ANK2: variants seen among roughly 807,000 people sequenced by gnomAD.
ANK2 encodes ankyrin 2.
A neutral mutation model predicts 360.5 loss-of-function variants in ANK2; 83 were observed. That is an observed-to-expected ratio of 0.23 (90% CI 0.19 to 0.28). ANK2 has a LOEUF of 0.28. ANK2 is among the 10% of genes least tolerant of loss of function. The pLI, the probability that ANK2 is intolerant of heterozygous loss-of-function variation, is 1.00. For missense variants in ANK2, 4,201 were observed against 4,795.7 expected (o/e 0.88, Z 3.66); for synonymous variants, 1,740 against 1,759.5 (o/e 0.99, Z 0.28).
chr4:113,010,936 A>G (rs1212568150), intron 2 of ANK2, among the ~76,000 whole-genome samples: 1 of 99,582 alleles, frequency 1.0e-5, no homozygotes, highest in African/African-American at 2.7e-5. Flanking sequence ...GCAATCTGTC[A>G]TACACACATT....
At chr4:113,039,078 A>G (rs150684943) in intron 2 of ANK2, among the ~76,000 whole-genome samples, 2 of 152,238 alleles carry the variant, frequency 1.3e-5, no homozygotes, top group East Asian at 3.9e-4. Flanking sequence ...ACTGGATGGT[A>G]GTTAAAAGTT....
At chr4:112,786,191 G>T in the ANK2 span, among the ~76,000 whole-genome samples, 1 of 150,720 alleles carries the variant, frequency 6.6e-6, no homozygotes, top group Non-Finnish European at 1.5e-5. Flanking sequence ...AAAACATTTC[G>T]GTTTACAAAA....
intron 26 of ANK2, among the ~76,000 whole-genome samples, chr4:113,328,268 A>AT (rs2091050967): frequency 6.6e-6 from 1 of 152,204 alleles, no homozygotes; most frequent in East Asian, 1.9e-4. Context: ...ATGAAAAAAA[A>AT]AACAAAGGAA....
intron 23 of ANK2, among the ~76,000 whole-genome samples, chr4:113,308,373 T>G (rs536803823): frequency 6.6e-6 from 1 of 152,248 alleles, no homozygotes; most frequent in Non-Finnish European, 1.5e-5. Flanking sequence ...TATAGAAAAT[T>G]TAGGTGGAGA....
At chr4:112,991,682 C>T (rs574009880) in intron 2 of ANK2, among the ~76,000 whole-genome samples, 3 of 105,194 alleles carry the variant, frequency 2.9e-5, no homozygotes, top group Admixed American at 1.2e-4. Flanking sequence ...ATTTCTGGTT[C>T]GTTTTGCTTA....
chr4:113,127,399 G>A (rs2095722762), intron 1 of ANK2, among the ~76,000 whole-genome samples: 1 of 151,546 alleles, frequency 6.6e-6, no homozygotes, highest in Non-Finnish European at 1.5e-5. Flanking sequence ...AAGGTCAATG[G>A]CAATGGAAAA....
intron 1 of ANK2, among the ~76,000 whole-genome samples, chr4:113,143,562 T>TA (rs1167000318): frequency 3.3e-5 from 5 of 152,224 alleles, no homozygotes; most frequent in African/African-American, 1.2e-4. Context: ...TGAATGTTTT[T>TA]AAAATAGTAC....
intron 2 of ANK2, among the ~76,000 whole-genome samples, chr4:113,029,228 C>T (rs537274947): frequency 1.3e-5 from 2 of 151,846 alleles, no homozygotes; most frequent in South Asian, 2.1e-4. Context: ...TAGGAGGATT[C>T]GTTTTTTGTT....
intron 22 of ANK2, among the ~76,000 whole-genome samples, chr4:113,294,172 C>G (rs2069614428): frequency 6.6e-6 from 1 of 152,128 alleles, no homozygotes; most frequent in African/African-American, 2.4e-5. Context: ...TTATCACTGG[C>G]CTTTGCTAGA....
chr4:113,353,374 G>A lies in ANK2; in HGVS notation c.4756G>A (p.Gly1586Arg), dbSNP rs1265618262. ...SSVQSSRSERGLVEEEWVIVS... is the reference protein window; with the variant it reads ...SSVQSSRSERRLVEEEWVIVS... ...TGTGCAGAGCTCTCGGTCTGAGAGA[G>A]GATTAGTTGAAGAGGAATGGGTTAT... The change falls in exon 38 of 46, where the codon GGA (glycine) becomes AGA (arginine). Residue 1586 changes from glycine (G) to arginine (R), a missense_variant. Gly to Arg is a moderately radical substitution (Grantham distance 125). Transcript: ENST00000357077. 6.2e-7 allele frequency: 1 copy of A among 1,614,074 alleles called. No individual in the cohort carries two copies. The highest frequency in any genetic ancestry group is 1.7e-5 in the Admixed American group (1 of 60,020).
intron 45 of ANK2, 96 bp downstream of exon 45, chr4:113,373,545 C>G (rs2096818914): frequency 7.4e-7 from 1 of 1,343,894 alleles, no homozygotes; most frequent in Non-Finnish European, 1.1e-6. Flanking sequence ...ATTTTCCTCA[C>G]TTCTCCCTTT....
intron 1 of ANK2, among the ~76,000 whole-genome samples, chr4:113,124,537 T>C (rs1260086908): frequency 1.3e-5 from 2 of 152,146 alleles, no homozygotes; most frequent in Non-Finnish European, 2.9e-5. Context: ...TTCATGAAAC[T>C]GCTCTCTCAC....
chr4:112,954,085 G>A (rs1296796948), intron 2 of ANK2, among the ~76,000 whole-genome samples: 3 of 152,028 alleles, frequency 2.0e-5, no homozygotes, highest in South Asian at 2.1e-4. Flanking sequence ...GTACCTAATG[G>A]TCATCACTGT....
chr4:113,080,290 C>T (rs1161944181), intron 1 of ANK2, among the ~76,000 whole-genome samples: 1 of 152,160 alleles, frequency 6.6e-6, no homozygotes, highest in Admixed American at 6.5e-5. Flanking sequence ...GAATGATTAA[C>T]ATGTCACGTG....
At chr4:112,711,976 C>T in the ANK2 span, among the ~76,000 whole-genome samples, 1 of 150,390 alleles carries the variant, frequency 6.6e-6, no homozygotes, top group East Asian at 1.9e-4. Flanking sequence ...TGCCACTGCA[C>T]CTAGCAGTTT....
chr4:112,927,026 G>T (rs1381623134), intron 2 of ANK2, among the ~76,000 whole-genome samples: 1 of 152,134 alleles, frequency 6.6e-6, no homozygotes, highest in African/African-American at 2.4e-5. Flanking sequence ...GAGCAAAGGG[G>T]AAGCCCTTTA....
At chr4:113,369,932 C>A in intron 43 of ANK2, 127 bp downstream of exon 43, 1 of 1,128,226 alleles carries the variant, frequency 8.9e-7, no homozygotes, top group Non-Finnish European at 1.3e-6. Context: ...ATTAACCTGG[C>A]ACATGGAAAC....
chr4:113,219,524 G>C (rs1486537248), intron 4 of ANK2, among the ~76,000 whole-genome samples: 2 of 151,830 alleles, frequency 1.3e-5, no homozygotes, highest in Non-Finnish European at 2.9e-5. Context: ...ATGAAGAAAA[G>C]CCTACTGCTG....
At chr4:112,777,266 T>G in the ANK2 span, among the ~76,000 whole-genome samples, 1 of 152,024 alleles carries the variant, frequency 6.6e-6, no homozygotes, top group African/African-American at 2.4e-5. Flanking sequence ...TGAGACAGAG[T>G]CTTGCTCTGT....
Sources: allele counts gnomAD v4.1 joint callset (sites outside exome capture counted in the v4.1 genomes callset), GRCh38; gene constraint gnomAD v4.1.1; transcripts MANE v1.5; gene names NCBI Gene and HGNC (gene_info 2026-07-23, HGNC 2026-07-21).